Variants in MPHOSPH9 observed in about 807,000 individuals in gnomAD.
The protein encoded by MPHOSPH9 is M-phase phosphoprotein 9.
MPHOSPH9 carries 88 observed loss-of-function variants against 145.5 expected under a neutral mutation model. The ratio of observed to expected loss-of-function variants is 0.60; its 90% CI spans 0.51 to 0.72. MPHOSPH9 has a LOEUF of 0.72. Among genes scored for constraint, MPHOSPH9 ranks in the 30% least tolerant of loss-of-function variants. The probability of loss-of-function intolerance (pLI) is 0.00; values close to 1 mark genes in which losing one functional copy is unlikely to be tolerated. For missense variants in MPHOSPH9, 1,238 were observed against 1,386.6 expected, an observed-to-expected ratio of 0.89 and a Z score of 1.70; for synonymous variants, 435 against 486.2, an observed-to-expected ratio of 0.89 and a Z score of 1.39.
chr12:123,241,609 G>A (rs910446301), intron 1 of MPHOSPH9, among the ~76,000 whole-genome samples: 4 of 152,048 alleles, frequency 2.6e-5, no homozygotes, highest in Admixed American at 2.6e-4. Flanking sequence ...CAAAGTGCTG[G>A]GATTACAGGC....
intron 7 of MPHOSPH9, 124 bp from the exon 8 acceptor site, chr12:123,210,286 T>A (rs2046645977): frequency 5.9e-6 from 3 of 507,314 alleles, no homozygotes; most frequent in African/African-American, 3.9e-5. Context: ...TAAAGTAATT[T>A]GAATTTTGAT....
intron 16 of MPHOSPH9, 92 bp from the exon 17 acceptor site, chr12:123,166,881 T>G (rs1269210127): frequency 9.0e-6 from 12 of 1,329,670 alleles, no homozygotes; most frequent in Non-Finnish European, 1.1e-5. Flanking sequence ...CAAACAGTAT[T>G]TACACATTTG....
intron 2 of MPHOSPH9, 185 bp downstream of exon 2, chr12:123,230,076 C>A (rs2047583754): frequency 2.4e-6 from 1 of 420,032 alleles, no homozygotes. Flanking sequence ...CCCGCCTCAG[C>A]CTACCAAGGT....
chr12:123,240,346 T>TA (rs558796452), intron 1 of MPHOSPH9, among the ~76,000 whole-genome samples: 88 of 146,002 alleles, frequency 6.0e-4, no homozygotes, highest in South Asian at 2.6e-3. Flanking sequence ...AGACTCCGTC[T>TA]AAAAAAAAAA....
chr12:123,161,991 A>T (rs2044129762), intron 21 of MPHOSPH9, 124 bp downstream of exon 21: 2 of 528,314 alleles, frequency 3.8e-6, no homozygotes, highest in Non-Finnish European at 6.3e-6. Context: ...GCTTAGTTTC[A>T]GACGCCCTTG....
chr12:123,201,983 G>A (rs2046241682), intron 11 of MPHOSPH9, among the ~76,000 whole-genome samples, 181 bp downstream of exon 11: 2 of 152,144 alleles, frequency 1.3e-5, no homozygotes, highest in African/African-American at 4.8e-5. Flanking sequence ...TGAAACAAAT[G>A]GCTCCACGTC....
chr12:123,221,201 TG>T (rs1054364654), intron 5 of MPHOSPH9, among the ~76,000 whole-genome samples, 170 bp downstream of exon 5: 3 of 152,240 alleles, frequency 2.0e-5, no homozygotes, highest in Non-Finnish European at 4.4e-5. Context: ...ACATTACAGA[TG>T]GGAAGAAAGT....
rs183880313 is a variant in MPHOSPH9 at position 123,221,735 on chromosome 12, G to A, written c.509C>T (p.Pro170Leu). Residue 170 changes from proline to leucine, a missense_variant, in exon 5 of 24, where the codon CCT becomes CTT. Physicochemically the swap from Pro to Leu is moderately conservative, Grantham distance 98. This residue lies in a region of MPHOSPH9 where 837 missense variants were observed against 897.5 expected (regional missense o/e 0.93). Coordinates refer to ENST00000606320, the MANE Select transcript of MPHOSPH9 (RefSeq NM_022782.4). ...CTGTATTTCAGGTTCTGTGGATTCA[G>A]GATAATGGATAACAGATTCATTTCT... ...SERNESVIHY[P>L]ESTEPEIQQE... The A allele has an allele frequency of 1.9e-5, 31 of 1,614,046 alleles. No homozygotes were observed. In the East Asian group the frequency reaches 6.0e-4, roughly 31 times the overall value.
intron 8 of MPHOSPH9, among the ~76,000 whole-genome samples, chr12:123,205,161 T>C (rs2046371231): frequency 6.6e-6 from 1 of 152,216 alleles, no homozygotes; most frequent in African/African-American, 2.4e-5. Context: ...TTGTGTCCCA[T>C]TTCTAGACCC....
Position 123,190,282 on chromosome 12 carries a change from A to G in MPHOSPH9, c.2241+4104T>C, listed in dbSNP as rs1029215492. 4.0e-5 allele frequency among the ~76,000 whole-genome samples: 6 copies of G among 151,660 alleles called. No homozygotes were observed. The East Asian group carries it at 1.2e-3, about 30-fold the overall frequency. Reference sequence around the variant, plus strand: ...ATTCTCCTGCCTCAGCCTCCCGAGTAGCTGGGACTACAGGCGCCCACCACC... The same window carrying G: ...ATTCTCCTGCCTCAGCCTCCCGAGTGGCTGGGACTACAGGCGCCCACCACC... On this transcript the variant is annotated intron_variant, in intron 13 of 23. Coordinates refer to ENST00000606320, the MANE Select transcript of MPHOSPH9 (RefSeq NM_022782.4).
chr12:123,183,398 A>C (rs1412117740), intron 13 of MPHOSPH9, among the ~76,000 whole-genome samples: 1 of 151,842 alleles, frequency 6.6e-6, no homozygotes, highest in Non-Finnish European at 1.5e-5. Flanking sequence ...AAATACAAAA[A>C]TTAGTCAGGT....
In MPHOSPH9 at chr12:123,202,852, A is replaced by G; in HGVS notation, c.1553T>C (p.Val518Ala). The G allele has an allele frequency of 6.2e-7, 1 of 1,614,178 alleles. No individual in the cohort carries two copies. Among genetic ancestry groups the G allele is most frequent in the African/African-American group, 1.3e-5 (1 of 75,052 alleles). Residue 518 changes from valine to alanine, a missense_variant, in exon 10 of 24, where the codon GTG becomes GCG. This residue lies in a region of MPHOSPH9 where 837 missense variants were observed against 897.5 expected (regional missense o/e 0.93). Transcript: ENST00000606320. ...KYPSHTKASP[V>A]DSWKNQTFQN... is the part of the protein sequence containing the mutation. ...GAATGTCTGATTTTTCCAAGAGTCC[A>G]CCGGAGAAGCTTTTGTGTGTGAGGG...
chr12:123,161,946 A>G (rs1306076178), intron 21 of MPHOSPH9, among the ~76,000 whole-genome samples, 169 bp downstream of exon 21: 1 of 152,252 alleles, frequency 6.6e-6, no homozygotes, highest in Non-Finnish European at 1.5e-5. Context: ...AATGAGGATA[A>G]CAACATTGAC....
chr12:123,212,460 C>T (rs3018099), intron 7 of MPHOSPH9, among the ~76,000 whole-genome samples: 90,027 of 151,730 alleles, frequency 0.59, 31,086 homozygotes, highest in Non-Finnish European at 0.75. Context: ...GAGGCTGAGG[C>T]GGGCAGATCA....
chr12:123,184,363 A>T (rs1357854529), intron 13 of MPHOSPH9, among the ~76,000 whole-genome samples: 2 of 152,076 alleles, frequency 1.3e-5, no homozygotes, highest in Non-Finnish European at 2.9e-5. Flanking sequence ...AAACATTCAC[A>T]TCTGGAGGTC....
At position 123,161,120 on chromosome 12, in the gene MPHOSPH9, ATTTG is replaced by A. The variant is rs777469670; in HGVS notation, c.3381+12_3381+15del. 6.2e-6 allele frequency: 10 copies of A among 1,610,354 alleles called. No homozygotes were observed. In the African/African-American group the frequency reaches 9.4e-5, roughly 15 times the overall value. ...AGTTCAGAAAACAATTTTTAAAAAT[ATTTG>A]TTTGTTTTTACCTGGTCCTTTTCTT... On this transcript the variant is annotated intron_variant, in intron 22 of 23. Transcript: ENST00000606320.
chr12:123,207,146 TAAAAAAA>T (rs35392378), intron 8 of MPHOSPH9, among the ~76,000 whole-genome samples: 7 of 114,582 alleles, frequency 6.1e-5, no homozygotes, highest in African/African-American at 6.7e-5. Flanking sequence ...CTAAAGTGGT[TAAAAAAA>T]AAAAAAAAAA....
intron 6 of MPHOSPH9, 66 bp downstream of exon 6, chr12:123,218,310 G>A: frequency 1.3e-6 from 2 of 1,578,184 alleles, no homozygotes; most frequent in Non-Finnish European, 1.7e-6. Context: ...TTTTGTTCAT[G>A]AGCGTGTACT....
At chr12:123,165,202 A>C in intron 18 of MPHOSPH9, 100 bp downstream of exon 18, 1 of 1,197,146 alleles carries the variant, frequency 8.4e-7, no homozygotes, top group East Asian at 2.4e-5. Flanking sequence ...CAGAGCTAAA[A>C]CTTTTAATTT....
Sources: allele counts gnomAD v4.1 joint callset (sites outside exome capture counted in the v4.1 genomes callset), GRCh38; gene constraint gnomAD v4.1.1; regional missense constraint gnomAD v4.1.1; transcripts MANE v1.5; gene names NCBI Gene and HGNC (gene_info 2026-07-23, HGNC 2026-07-21).